Variants in MYO1H observed in about 807,000 individuals in gnomAD.
The protein encoded by MYO1H is unconventional myosin-Ih.
In MYO1H, 118 loss-of-function variants were observed where a neutral mutation model predicts 149.3. That is an observed-to-expected ratio of 0.79 (90% CI 0.68 to 0.92). MYO1H has a LOEUF of 0.92. Among genes scored for constraint, MYO1H ranks in the 40% least tolerant of loss-of-function variants. MYO1H has a pLI of 0.00. For synonymous variants in MYO1H, 447 were observed against 465.2 expected, an observed-to-expected ratio of 0.96 and a Z score of 0.50; for missense variants, 1,212 against 1,280.7, an observed-to-expected ratio of 0.95 and a Z score of 0.82.
At chr12:109,430,999 G>A (rs1871590377) in intron 19 of MYO1H, among the ~76,000 whole-genome samples, 1 of 150,982 alleles carries the variant, frequency 6.6e-6, no homozygotes, top group Non-Finnish European at 1.5e-5. Context: ...AGCTTGCAGT[G>A]AGCCGAGATC....
chr12:109,322,017 A>G, the MYO1H span, among the ~76,000 whole-genome samples: 1 of 152,304 alleles, frequency 6.6e-6, no homozygotes, highest in East Asian at 1.9e-4. Flanking sequence ...TGAGGCAGTG[A>G]TGAGTTAGAA....
chr12:109,355,816 T>C (rs935735378), intron 1 of MYO1H, among the ~76,000 whole-genome samples: 6 of 151,600 alleles, frequency 4.0e-5, no homozygotes, highest in Non-Finnish European at 8.8e-5. Flanking sequence ...AACCTCTGAC[T>C]CCTGCCTCAG....
At position 109,436,106 on chromosome 12, in the gene MYO1H, G is replaced by A. The variant is rs531041995; in HGVS notation, c.2141-382G>A. ...ATGCTCCTCCTTAGCTGTGTTGCCCGGCAAGCGTCTTCACCATCTGTCTGA... is the reference window on the plus strand; with the variant it reads ...ATGCTCCTCCTTAGCTGTGTTGCCCAGCAAGCGTCTTCACCATCTGTCTGA... On this transcript the variant is annotated intron_variant, in intron 21 of 31. Transcript: ENST00000310903. Among the ~76,000 whole-genome samples, 4 of 152,238 alleles carry A rather than the reference G, an allele frequency of 2.6e-5. No homozygotes were observed. The South Asian group carries it at 8.3e-4, about 32-fold the overall frequency.
chr12:109,401,783 A>G (rs1870172854), intron 6 of MYO1H, among the ~76,000 whole-genome samples: 1 of 151,368 alleles, frequency 6.6e-6, no homozygotes, highest in Non-Finnish European at 1.5e-5. Flanking sequence ...TCTGTCCTCC[A>G]GGCTGGAGTG....
chr12:109,404,629 A>G (rs11066503), intron 7 of MYO1H, among the ~76,000 whole-genome samples: 77,814 of 152,114 alleles, frequency 0.51, 20,842 homozygotes, highest in African/African-American at 0.66. Flanking sequence ...TTTGAAATTC[A>G]AATATTAACT....
the MYO1H span, among the ~76,000 whole-genome samples, chr12:109,319,066 G>A: frequency 4.4e-5 from 6 of 136,738 alleles, no homozygotes; most frequent in South Asian, 1.2e-3. Flanking sequence ...ATACATCCAT[G>A]TTCTAAGCGT....
intron 1 of MYO1H, among the ~76,000 whole-genome samples, chr12:109,354,736 A>G (rs1483674778): frequency 6.6e-6 from 1 of 152,206 alleles, no homozygotes; most frequent in African/African-American, 2.4e-5. Flanking sequence ...TCCAGTAAAC[A>G]TAGCCAGTTT....
the MYO1H span, among the ~76,000 whole-genome samples, chr12:109,332,061 G>A: frequency 6.6e-6 from 1 of 152,194 alleles, no homozygotes; most frequent in Non-Finnish European, 1.5e-5. Context: ...GATTTAAAAT[G>A]TATAAAATAC....
intron 20 of MYO1H, 31 bp from the exon 21 acceptor site, chr12:109,435,006 T>C: frequency 6.7e-7 from 1 of 1,501,624 alleles, no homozygotes. Flanking sequence ...ACTGACCAAT[T>C]AATAACAAAA....
At chr12:109,421,671 G>A (rs1871179149) in intron 16 of MYO1H, among the ~76,000 whole-genome samples, 2 of 152,114 alleles carry the variant, frequency 1.3e-5, no homozygotes, top group South Asian at 2.1e-4. Flanking sequence ...CATGATCTGA[G>A]GACGAGGAAG....
chr12:109,321,044 T>A, the MYO1H span, among the ~76,000 whole-genome samples: 2 of 150,560 alleles, frequency 1.3e-5, no homozygotes, highest in African/African-American at 4.9e-5. Context: ...GCCAAGATCG[T>A]GCCACTGCAC....
intron 14 of MYO1H, 38 bp downstream of exon 14, chr12:109,412,023 G>T: frequency 7.3e-7 from 1 of 1,378,220 alleles, no homozygotes; most frequent in Non-Finnish European, 1.0e-6. Flanking sequence ...CATGGGGGAA[G>T]ATGATTGTGT....
At chr12:109,322,282 G>A in the MYO1H span, among the ~76,000 whole-genome samples, 1 of 152,128 alleles carries the variant, frequency 6.6e-6, no homozygotes, top group Admixed American at 6.5e-5. Flanking sequence ...AGCCTTGAAC[G>A]TCCAACACTT....
the MYO1H span, among the ~76,000 whole-genome samples, chr12:109,313,085 T>C: frequency 6.6e-6 from 1 of 151,658 alleles, no homozygotes; most frequent in Non-Finnish European, 1.5e-5. Context: ...ACAAAAAAAA[T>C]AAACAAAAAA....
At chr12:109,412,953 T>TTTTTTGTTG (rs113305511) in intron 14 of MYO1H, among the ~76,000 whole-genome samples, 1 of 146,970 alleles carries the variant, frequency 6.8e-6, no homozygotes, top group African/African-American at 2.6e-5. Flanking sequence ...GCCCGGCTAA[T>TTTTTTGTTG]TTGTTGTTGT....
exon 32 of MYO1H, chr12:109,447,551 G>A (rs76830953): frequency 0.021 from 6,547 of 305,090 alleles, 416 homozygotes; most frequent in African/African-American, 0.13. Context: ...TGTACAGCAA[G>A]TTCTCAAATA....
chr12:109,381,242 G>A (rs1432149112), intron 1 of MYO1H, among the ~76,000 whole-genome samples: 4 of 152,044 alleles, frequency 2.6e-5, no homozygotes, highest in Admixed American at 6.6e-5. Context: ...ATAAAGACAA[G>A]GCCATGTCAG....
chr12:109,369,989 T>G (rs1868947898), intron 1 of MYO1H, among the ~76,000 whole-genome samples: 2 of 152,196 alleles, frequency 1.3e-5, no homozygotes, highest in African/African-American at 4.8e-5. Context: ...GGAAACTCCC[T>G]TTTATAAAAC....
chr12:109,435,642 C>T (rs964474121), intron 21 of MYO1H, among the ~76,000 whole-genome samples: 2 of 152,212 alleles, frequency 1.3e-5, no homozygotes, highest in Non-Finnish European at 2.9e-5. Flanking sequence ...GCCAGGTGAA[C>T]ACTAAGTCCT....
Sources: gnomAD v4.1 joint callset for allele counts (sites outside exome capture counted in the v4.1 genomes callset) on GRCh38, gnomAD v4.1.1 for gene constraint, MANE v1.5 for transcripts, NCBI Gene and HGNC (gene_info 2026-07-23, HGNC 2026-07-21) for gene names.